The following CPNE4 variants were observed in gnomAD, a reference collection of about 807,000 sequenced individuals.
The protein encoded by CPNE4 is copine 4.
Under a neutral mutation model 67.9 loss-of-function variants are expected in CPNE4, and 25 were observed. The observed-to-expected ratio is 0.37, with a 90% confidence interval of 0.27 to 0.51. The LOEUF is 0.51. Among genes scored for constraint, CPNE4 ranks in the 20% least tolerant of loss-of-function variants. CPNE4 has a pLI of 0.93. For synonymous variants in CPNE4, 242 were observed against 244.9 expected (o/e 0.99, Z 0.11); for missense variants, 464 against 690.8 (o/e 0.67, Z 3.68).
chr3:131,749,201 A>T (rs1426268663), intron 2 of CPNE4, among the ~76,000 whole-genome samples: 1 of 152,190 alleles, frequency 6.6e-6, no homozygotes, highest in Non-Finnish European at 1.5e-5. Context: ...TCAGGATAAT[A>T]CAAGCTTCAC....
chr3:131,574,008 G>A (rs775036841), intron 10 of CPNE4, among the ~76,000 whole-genome samples: 1 of 152,064 alleles, frequency 6.6e-6, no homozygotes, highest in Non-Finnish European at 1.5e-5. Context: ...TTTAGTAAAT[G>A]ACCATTTATC....
intron 9 of CPNE4, among the ~76,000 whole-genome samples, chr3:131,579,024 A>T (rs1255503585): frequency 6.6e-6 from 1 of 152,224 alleles, no homozygotes; most frequent in African/African-American, 2.4e-5. Flanking sequence ...AACAAGGAAG[A>T]AGAAGATGCC....
In CPNE4 at chr3:131,700,054, CTTTTTTTTTTTTT is replaced by C. The variant is rs3035263; in HGVS notation, c.361-87_361-75del. ...TTAACTGTAGATCTATTTTTTAAAC[CTTTTTTTTTTTTT>C]TTTTTTTTTTACAAAACTCTGCATT... On this transcript the variant is annotated intron_variant, in intron 3 of 15. Coordinates refer to ENST00000429747, the MANE Select transcript of CPNE4 (RefSeq NM_130808.3). 2.0e-5 allele frequency: 5 copies of C among 254,758 alleles called. No individual in the cohort carries two copies. In the Admixed American group the frequency reaches 3.2e-4, roughly 16 times the overall value. 15.8% of individuals were successfully genotyped at this position (254,758 alleles called of 1,614,324 possible).
chr3:131,564,242 C>A lies in CPNE4; in HGVS notation c.1035G>T (p.Val345=), dbSNP rs1010886491. 4.3e-6 allele frequency: 7 copies of A among 1,612,862 alleles called. No homozygotes were observed. In the African/African-American group the frequency reaches 6.7e-5, roughly 15 times the overall value. Residue 345 remains valine (V), a synonymous_variant, in exon 11 of 16, where the codon GTG becomes GTT. Transcript: ENST00000429747. ...PNEYLKALVA[V]GEICQDYDSD... is the part of the protein sequence containing the mutation. The stretch of plus-strand genomic sequence containing the variant: ...TGTCATAGTCTTGGCAAATCTCCCC[C>A]ACAGCTACCAAAGCTTTCAGATACT...
intron 1 of CPNE4, among the ~76,000 whole-genome samples, chr3:131,976,899 T>G (rs761503183): frequency 1.5e-4 from 23 of 151,976 alleles, no homozygotes; most frequent in Non-Finnish European, 2.9e-4. Context: ...CCTCCAGGGT[T>G]CAAGCGATTC....
chr3:131,558,046 C>A (rs944411188), intron 11 of CPNE4, among the ~76,000 whole-genome samples: 2 of 151,902 alleles, frequency 1.3e-5, no homozygotes, highest in African/African-American at 4.8e-5. Flanking sequence ...TCCTTTTATA[C>A]TTTCTAAGCC....
At chr3:131,694,428 G>A (rs757421547) in intron 5 of CPNE4, among the ~76,000 whole-genome samples, 2 of 152,026 alleles carry the variant, frequency 1.3e-5, no homozygotes, top group Non-Finnish European at 2.9e-5. Context: ...TTTGCATTTT[G>A]TAAACATGAC....
At chr3:131,627,059 G>A (rs909770297) in intron 7 of CPNE4, among the ~76,000 whole-genome samples, 1 of 151,942 alleles carries the variant, frequency 6.6e-6, no homozygotes, top group African/African-American at 2.4e-5. Flanking sequence ...CAGGTGCGGT[G>A]GTGGGCGCCT....
intron 3 of CPNE4, among the ~76,000 whole-genome samples, chr3:131,720,501 G>T (rs1369326636): frequency 6.6e-6 from 1 of 152,056 alleles, no homozygotes; most frequent in African/African-American, 2.4e-5. Context: ...AGCCAGGATG[G>T]TCTCGATCTC....
At chr3:131,794,864 G>A (rs1343676639) in intron 2 of CPNE4, among the ~76,000 whole-genome samples, 1 of 152,176 alleles carries the variant, frequency 6.6e-6, no homozygotes, top group Non-Finnish European at 1.5e-5. Context: ...AAAGCTTGGG[G>A]AATGAAACTC....
intron 11 of CPNE4, among the ~76,000 whole-genome samples, chr3:131,561,185 C>T (rs6779314): frequency 0.11 from 17,167 of 151,964 alleles, 2,134 homozygotes; most frequent in African/African-American, 0.31. Context: ...TGATAGCAGA[C>T]AGACCATGCT....
intron 7 of CPNE4, among the ~76,000 whole-genome samples, chr3:131,647,271 G>T (rs2202198): frequency 0.13 from 20,284 of 152,114 alleles, 1,584 homozygotes; most frequent in African/African-American, 0.21. Flanking sequence ...ACCTGGAGAC[G>T]CTGTGAGCCA....
chr3:131,595,759 C>T (rs187326388), intron 7 of CPNE4, among the ~76,000 whole-genome samples: 2 of 152,288 alleles, frequency 1.3e-5, no homozygotes, highest in Non-Finnish European at 2.9e-5. Flanking sequence ...ACCCAAACAC[C>T]TCCCACCAAG....
intron 13 of CPNE4, among the ~76,000 whole-genome samples, chr3:131,550,421 A>C (rs1936108641): frequency 6.6e-6 from 1 of 152,156 alleles, no homozygotes; most frequent in Non-Finnish European, 1.5e-5. Context: ...AGAGATGTTC[A>C]ATGATCTGCC....
At chr3:131,660,801 TC>T (rs751300164) in intron 7 of CPNE4, among the ~76,000 whole-genome samples, 15 of 152,216 alleles carry the variant, frequency 9.9e-5, no homozygotes, top group Non-Finnish European at 1.9e-4. Context: ...TTTCTAGGCA[TC>T]CTACTAGGCC....
rs182745131 is a variant in CPNE4, at chr3:131,810,650, A to T, written c.181-87025T>A. Among the ~76,000 whole-genome samples the T allele has an allele frequency of 1.8e-3, 274 of 152,236 alleles. 9 individuals carry two copies. In the South Asian group the frequency reaches 0.042, roughly 23 times the overall value. On this transcript the variant is annotated intron_variant, in intron 2 of 15. Coordinates refer to ENST00000429747, the MANE Select transcript of CPNE4 (RefSeq NM_130808.3). ...GAGAGTTCTAACAAATTAAAAATAG[A>T]TTTACCACCTGATCCAGCAAACCCA...
intron 1 of CPNE4, among the ~76,000 whole-genome samples, chr3:132,007,139 A>G (rs916921080): frequency 2.6e-5 from 4 of 152,158 alleles, no homozygotes; most frequent in South Asian, 2.1e-4. Context: ...AATGAGGAAG[A>G]AGAGCTAAGA....
chr3:131,545,402 TG>T (rs773261175), intron 14 of CPNE4, among the ~76,000 whole-genome samples: 3 of 152,204 alleles, frequency 2.0e-5, no homozygotes, highest in Non-Finnish European at 4.4e-5. Flanking sequence ...TCTGTAAACT[TG>T]GGGTAAATTA....
At chr3:131,891,132 A>G (rs1310702129) in intron 2 of CPNE4, among the ~76,000 whole-genome samples, 3 of 152,058 alleles carry the variant, frequency 2.0e-5, no homozygotes, top group African/African-American at 7.2e-5. Flanking sequence ...AAGAGACACA[A>G]GGAAACTTCT....
Sources: allele counts gnomAD v4.1 joint callset (sites outside exome capture counted in the v4.1 genomes callset), GRCh38; gene constraint gnomAD v4.1.1; transcripts MANE v1.5; gene names NCBI Gene and HGNC (gene_info 2026-07-23, HGNC 2026-07-21).